ABTB3: variants seen among roughly 807,000 people sequenced by gnomAD.
ABTB3 encodes the protein ankyrin repeat- and BTB/POZ domain-containing protein 3.
At chr12:107,430,664 G>A in the ABTB3 span, among the ~76,000 whole-genome samples, 136 of 152,256 alleles carry the variant, frequency 8.9e-4, 1 homozygote, top group Non-Finnish European at 1.6e-3. Flanking sequence ...ATGGCGATAC[G>A]TCCCTATTTC....
chr12:107,353,706 A>G, the ABTB3 span, among the ~76,000 whole-genome samples: 1 of 152,120 alleles, frequency 6.6e-6, no homozygotes, highest in South Asian at 2.1e-4. Flanking sequence ...TGAGCAGTGT[A>G]CAAGTGAGCA....
the ABTB3 span, chr12:107,619,907 G>C: frequency 7.4e-7 from 1 of 1,353,838 alleles, no homozygotes; most frequent in Non-Finnish European, 9.8e-7. Context: ...AAACTCGCCT[G>C]CTCCTCTGGT....
At chr12:107,538,220 G>T in the ABTB3 span, among the ~76,000 whole-genome samples, 5 of 152,244 alleles carry the variant, frequency 3.3e-5, no homozygotes, top group Non-Finnish European at 5.9e-5. Flanking sequence ...AGGGCAGCGT[G>T]GTGTGGGGGA....
At chr12:107,319,053 G>C in the ABTB3 span, 1 of 1,613,664 alleles carries the variant, frequency 6.2e-7, no homozygotes, top group Non-Finnish European at 8.5e-7. Flanking sequence ...TCTTTGTGCT[G>C]TTCCGACTCG....
the ABTB3 span, among the ~76,000 whole-genome samples, chr12:107,643,358 G>C: frequency 7.4e-6 from 1 of 134,474 alleles, no homozygotes; most frequent in Non-Finnish European, 1.5e-5. Flanking sequence ...AGCCATAATC[G>C]CACCACTGCA....
At chr12:107,451,814 A>G in the ABTB3 span, among the ~76,000 whole-genome samples, 2 of 152,356 alleles carry the variant, frequency 1.3e-5, no homozygotes, top group South Asian at 2.1e-4. Context: ...ATTGGAGAAT[A>G]TAACAGTAAT....
the ABTB3 span, among the ~76,000 whole-genome samples, chr12:107,563,085 CTT>C: frequency 6.6e-6 from 1 of 152,210 alleles, no homozygotes; most frequent in Non-Finnish European, 1.5e-5. Context: ...GGGCCCGACT[CTT>C]AACATAGTTT....
the ABTB3 span, among the ~76,000 whole-genome samples, chr12:107,588,821 G>C: frequency 6.6e-6 from 1 of 152,210 alleles, no homozygotes; most frequent in South Asian, 2.1e-4. Context: ...CCACCCAGAC[G>C]GGTTCCATTT....
chr12:107,407,891 C>T, the ABTB3 span, among the ~76,000 whole-genome samples: 10 of 151,932 alleles, frequency 6.6e-5, no homozygotes, highest in South Asian at 2.1e-4. Flanking sequence ...CTGGGGATAT[C>T]GTATGGGATT....
the ABTB3 span, among the ~76,000 whole-genome samples, chr12:107,325,007 G>A: frequency 5.3e-5 from 8 of 152,166 alleles, no homozygotes; most frequent in African/African-American, 9.7e-5. Context: ...CGCAATGGGC[G>A]ATTACAAAGA....
chr12:107,570,714 A>G, the ABTB3 span, among the ~76,000 whole-genome samples: 2 of 152,098 alleles, frequency 1.3e-5, no homozygotes, highest in East Asian at 1.9e-4. Context: ...GAATAAAAAT[A>G]TTAGGAACTT....
chr12:107,608,316 C>T, the ABTB3 span, among the ~76,000 whole-genome samples: 1 of 152,214 alleles, frequency 6.6e-6, no homozygotes, highest in Non-Finnish European at 1.5e-5. Context: ...GGCTCAGGCC[C>T]ACCCTCCGTC....
chr12:107,569,836 G>A, the ABTB3 span, among the ~76,000 whole-genome samples: 1 of 152,196 alleles, frequency 6.6e-6, no homozygotes, highest in Non-Finnish European at 1.5e-5. Context: ...CTTAAGCAAC[G>A]GTCAGAAGTC....
chr12:107,363,573 T>G, the ABTB3 span, among the ~76,000 whole-genome samples: 1,396 of 151,814 alleles, frequency 9.2e-3, 23 homozygotes, highest in African/African-American at 0.032. Context: ...AGAAACAGAG[T>G]TTTTCTTTAA....
At chr12:107,528,465 T>C in the ABTB3 span, among the ~76,000 whole-genome samples, 1 of 152,314 alleles carries the variant, frequency 6.6e-6, no homozygotes, top group South Asian at 2.1e-4. Flanking sequence ...ATGATGGTGA[T>C]TCCCAAATGG....
At chr12:107,618,877 T>G in the ABTB3 span, among the ~76,000 whole-genome samples, 4 of 152,182 alleles carry the variant, frequency 2.6e-5, no homozygotes, top group South Asian at 2.1e-4. Flanking sequence ...GGCGCCCCTT[T>G]CTTACCACAA....
the ABTB3 span, chr12:107,581,182 G>A: frequency 1.9e-6 from 3 of 1,540,612 alleles, no homozygotes; most frequent in Non-Finnish European, 2.6e-6. Flanking sequence ...CGCTGATGGA[G>A]TGGATCCGGG....
the ABTB3 span, among the ~76,000 whole-genome samples, chr12:107,632,567 G>A: frequency 6.6e-6 from 1 of 152,302 alleles, no homozygotes; most frequent in South Asian, 2.1e-4. Context: ...GATGAGATGT[G>A]TTAGTTTTCT....
the ABTB3 span, among the ~76,000 whole-genome samples, chr12:107,431,231 T>A: frequency 6.6e-6 from 1 of 152,224 alleles, no homozygotes; most frequent in Non-Finnish European, 1.5e-5. Context: ...AAAATACAAA[T>A]GAAAACACTA....
Sources: gnomAD v4.1 joint callset for allele counts (sites outside exome capture counted in the v4.1 genomes callset) on GRCh38, gnomAD v4.1.1 for gene constraint, MANE v1.5 for transcripts, NCBI Gene and HGNC (gene_info 2026-07-23, HGNC 2026-07-21) for gene names.